BACH2: variants seen among roughly 807,000 people sequenced by gnomAD.
The protein encoded by BACH2 is BACH transcriptional regulator 2.
Under a neutral mutation model 61.8 loss-of-function variants are expected in BACH2, and 5 were observed. The observed-to-expected ratio is 0.08, with a 90% CI of 0.04 to 0.17. BACH2 has a LOEUF of 0.17. Among genes scored for constraint, BACH2 ranks in the 10% least tolerant of loss-of-function variants. BACH2 has a pLI of 1.00. For synonymous variants in BACH2, 446 were observed against 440.1 expected (o/e 1.01, Z -0.17); for missense variants, 824 against 1,091.1 (o/e 0.76, Z 3.45).
At chr6:90,064,858 C>T (rs1025701784) in intron 5 of BACH2, among the ~76,000 whole-genome samples, 2 of 152,138 alleles carry the variant, frequency 1.3e-5, no homozygotes, top group African/African-American at 4.8e-5. Context: ...ATGGTACTTA[C>T]ACAATAACTA....
chr6:90,062,796 T>A, intron 5 of BACH2: 1 of 407,376 alleles, frequency 2.5e-6, no homozygotes, highest in Non-Finnish European at 3.3e-6. Flanking sequence ...TGACCAGCAA[T>A]TGACAAACTA....
intron 7 of BACH2, among the ~76,000 whole-genome samples, chr6:89,941,124 C>T (rs1773403458): frequency 1.3e-5 from 2 of 152,178 alleles, no homozygotes; most frequent in African/African-American, 4.8e-5. Flanking sequence ...AGGGTTAAGT[C>T]TGTGTTCTTC....
intron 3 of BACH2, among the ~76,000 whole-genome samples, chr6:90,212,120 C>CT (rs1358450591): frequency 6.6e-6 from 1 of 152,192 alleles, no homozygotes. Context: ...TTCCTCTACT[C>CT]TATTTTAAGG....
chr6:89,950,586 C>A lies in BACH2; in HGVS notation c.1520G>T (p.Cys507Phe). The change falls in exon 7 of 9, where the codon TGC (cysteine) becomes TTC (phenylalanine). Residue 507 changes from cysteine (C) to phenylalanine (F), a missense_variant. This residue lies in a region of BACH2 where 102 missense variants were observed against 98.1 expected (regional missense o/e 1.04). Transcript: ENST00000257749. The surrounding 1 kb of genome is among the most constrained non-coding windows in gnomAD (Gnocchi z 5.3). ...GGTCTCCAAGGGGGGTGAGCGAGGG[C>A]AGACTTTGATTGGTACCGGGCAGCT... ...NTSCPVPIKV[C>F]PRSPPLETRT... 1 of 1,611,752 alleles carries A rather than the reference C, an allele frequency of 6.2e-7. No individual in the cohort carries two copies. The highest frequency in any genetic ancestry group is 1.7e-5 in the Admixed American group (1 of 59,918).
At chr6:90,096,173 G>A (rs1214129475) in intron 4 of BACH2, among the ~76,000 whole-genome samples, 1 of 152,244 alleles carries the variant, frequency 6.6e-6, no homozygotes, top group Non-Finnish European at 1.5e-5. Context: ...AATGGTTATA[G>A]TTCATGAAGC....
intron 5 of BACH2, among the ~76,000 whole-genome samples, chr6:90,030,716 C>A (rs967395065): frequency 1.3e-5 from 2 of 151,978 alleles, no homozygotes; most frequent in African/African-American, 4.8e-5. Context: ...TAATTAATAG[C>A]TTACCAACCA....
chr6:90,163,370 A>G (rs1379111117), intron 4 of BACH2, among the ~76,000 whole-genome samples: 1 of 152,132 alleles, frequency 6.6e-6, no homozygotes, highest in Non-Finnish European at 1.5e-5. Context: ...TATTTACAAC[A>G]CAGATTTAAT....
intron 4 of BACH2, among the ~76,000 whole-genome samples, chr6:90,171,678 T>C (rs563502516): frequency 3.4e-4 from 52 of 152,148 alleles, no homozygotes; most frequent in Non-Finnish European, 5.4e-4. Context: ...TGAACATGAA[T>C]GAGAAAAAAC....
intron 3 of BACH2, among the ~76,000 whole-genome samples, chr6:90,251,859 T>C (rs1370860296): frequency 6.6e-6 from 1 of 152,192 alleles, no homozygotes; most frequent in African/African-American, 2.4e-5. Context: ...TCTATAAACC[T>C]GCACTGATAA....
chr6:90,162,453 A>G (rs1785225730), intron 4 of BACH2, among the ~76,000 whole-genome samples: 1 of 152,036 alleles, frequency 6.6e-6, no homozygotes, highest in African/African-American at 2.4e-5. Flanking sequence ...AGTCTGGGCA[A>G]CATAGTGAGA....
At chr6:90,045,659 T>C (rs942430217) in intron 5 of BACH2, among the ~76,000 whole-genome samples, 1 of 152,350 alleles carries the variant, frequency 6.6e-6, no homozygotes, top group East Asian at 1.9e-4. Flanking sequence ...CCAAATTCTT[T>C]TGGTTACTTC....
At chr6:90,260,464 T>C (rs1400126110) in intron 2 of BACH2, among the ~76,000 whole-genome samples, 1 of 152,196 alleles carries the variant, frequency 6.6e-6, no homozygotes, top group African/African-American at 2.4e-5. Flanking sequence ...TGGCCTAACA[T>C]ATGGTCTATC....
At chr6:90,156,599 A>G (rs896809247) in intron 4 of BACH2, among the ~76,000 whole-genome samples, 21 of 152,174 alleles carry the variant, frequency 1.4e-4, no homozygotes, top group Non-Finnish European at 2.6e-4. Context: ...AGAGAACACC[A>G]AAGTTTCTAC....
chr6:90,155,906 A>T (rs559153184), intron 4 of BACH2, among the ~76,000 whole-genome samples: 64 of 152,346 alleles, frequency 4.2e-4, no homozygotes, highest in African/African-American at 1.5e-3. Flanking sequence ...GACTAAAAAA[A>T]GTCATGGATG....
intron 6 of BACH2, among the ~76,000 whole-genome samples, chr6:89,981,342 C>T (rs566639668): frequency 7.2e-5 from 11 of 151,802 alleles, no homozygotes; most frequent in Non-Finnish European, 1.5e-4. Context: ...AGGGTTTCAC[C>T]GTGTTAGCCA....
intron 5 of BACH2, among the ~76,000 whole-genome samples, chr6:90,042,669 G>A (rs903408966): frequency 2.0e-5 from 3 of 152,154 alleles, no homozygotes; most frequent in East Asian, 1.9e-4. Flanking sequence ...AGAAACATAA[G>A]GACAAGTCAT....
intron 2 of BACH2, among the ~76,000 whole-genome samples, chr6:90,271,366 T>TAAAAAAAAAAAAAAAAAAAAAAAA (rs3073450): frequency 5.8e-5 from 6 of 103,862 alleles, no homozygotes; most frequent in African/African-American, 2.0e-4. Context: ...CAACCCCATT[T>TAAAAAAAAAAAAAAAAAAAAAAAA]AAAAAAAAAA....
intron 7 of BACH2, among the ~76,000 whole-genome samples, chr6:89,938,669 A>G (rs1773176588): frequency 6.6e-6 from 1 of 152,216 alleles, no homozygotes; most frequent in Non-Finnish European, 1.5e-5. Context: ...GTTAGTTGAA[A>G]TGTACTTCCA....
chr6:90,134,299 A>C (rs1298627031), intron 4 of BACH2, among the ~76,000 whole-genome samples: 4 of 152,348 alleles, frequency 2.6e-5, no homozygotes, highest in Non-Finnish European at 5.9e-5. Context: ...TTGCCCAAAC[A>C]CTTCAAACAC....
Sources: allele counts gnomAD v4.1 joint callset (sites outside exome capture counted in the v4.1 genomes callset), GRCh38; gene constraint gnomAD v4.1.1; regional missense constraint gnomAD v4.1.1; non-coding constraint Gnocchi (gnomAD v3.1); transcripts MANE v1.5; gene names NCBI Gene and HGNC (gene_info 2026-07-23, HGNC 2026-07-21).